Variants in SHISA9 observed in about 807,000 individuals in gnomAD.
SHISA9 encodes the protein protein shisa-9.
In SHISA9, 13 loss-of-function variants were observed where a neutral mutation model predicts 38.0. That is an observed-to-expected ratio of 0.34 (90% CI 0.22 to 0.54). SHISA9 has a LOEUF of 0.54. SHISA9 is among the 20% of genes least tolerant of loss of function. The probability of loss-of-function intolerance (pLI) is 0.91; values close to 1 mark genes in which losing one functional copy is unlikely to be tolerated. For missense variants in SHISA9, 538 were observed against 575.8 expected, an observed-to-expected ratio of 0.93 and a Z score of 0.67; for synonymous variants, 275 against 242.0, an observed-to-expected ratio of 1.14 and a Z score of -1.27.
At chr16:13,511,996 C>T in the SHISA9 span, among the ~76,000 whole-genome samples, 1 of 152,140 alleles carries the variant, frequency 6.6e-6, no homozygotes, top group South Asian at 2.1e-4. Context: ...TCATAAAACA[C>T]AGGGCACTGG....
the SHISA9 span, among the ~76,000 whole-genome samples, chr16:13,434,386 A>G: frequency 6.7e-5 from 10 of 148,372 alleles, no homozygotes; most frequent in African/African-American, 1.5e-4. Flanking sequence ...TTGGCGCTCA[A>G]TATTAACCAT....
chr16:12,953,531 C>T (rs2071788224), intron 2 of SHISA9, among the ~76,000 whole-genome samples: 1 of 152,168 alleles, frequency 6.6e-6, no homozygotes, highest in Non-Finnish European at 1.5e-5. Context: ...ATATTTGATT[C>T]ATTGATTTAT....
chr16:13,195,224 A>C (rs887565665), intron 2 of SHISA9, among the ~76,000 whole-genome samples: 1 of 152,234 alleles, frequency 6.6e-6, no homozygotes, highest in Non-Finnish European at 1.5e-5. Context: ...TAACAAATCT[A>C]TACAAGATGA....
the SHISA9 span, among the ~76,000 whole-genome samples, chr16:13,546,321 A>C: frequency 6.6e-6 from 1 of 152,214 alleles, no homozygotes; most frequent in Non-Finnish European, 1.5e-5. Context: ...CAATTTTTAA[A>C]AATGCAAATC....
intron 2 of SHISA9, among the ~76,000 whole-genome samples, chr16:13,065,810 C>G (rs1048992813): frequency 6.6e-6 from 1 of 152,228 alleles, no homozygotes; most frequent in Non-Finnish European, 1.5e-5. Flanking sequence ...GTCAGGATGA[C>G]TCTGCAGGTC....
At chr16:12,932,105 C>T (rs1156356340) in intron 2 of SHISA9, among the ~76,000 whole-genome samples, 17 of 152,274 alleles carry the variant, frequency 1.1e-4, no homozygotes, top group Non-Finnish European at 4.4e-5. Flanking sequence ...GCTCCTCCTT[C>T]GCCTTCTGCC....
chr16:13,099,601 G>A (rs1273616913), intron 2 of SHISA9, among the ~76,000 whole-genome samples: 1 of 152,134 alleles, frequency 6.6e-6, no homozygotes, highest in Admixed American at 6.5e-5. Flanking sequence ...CAACTGCAAA[G>A]GCCCTGAGGC....
At chr16:13,127,718 T>C (rs1011373326) in intron 2 of SHISA9, among the ~76,000 whole-genome samples, 2 of 152,152 alleles carry the variant, frequency 1.3e-5, no homozygotes, top group Non-Finnish European at 2.9e-5. Flanking sequence ...CCCAATTCTC[T>C]GTAAGCCTCA....
chr16:13,409,951 G>T, the SHISA9 span, among the ~76,000 whole-genome samples: 1 of 152,064 alleles, frequency 6.6e-6, no homozygotes, highest in South Asian at 2.1e-4. Flanking sequence ...GTGAGAATGG[G>T]ATGAATACAT....
At chr16:12,963,156 C>T (rs2071933021) in intron 2 of SHISA9, among the ~76,000 whole-genome samples, 1 of 152,210 alleles carries the variant, frequency 6.6e-6, no homozygotes, top group Non-Finnish European at 1.5e-5. Context: ...TGGGTGTAGG[C>T]ACTTTAAGTG....
chr16:13,525,617 C>A, the SHISA9 span, among the ~76,000 whole-genome samples: 1 of 152,178 alleles, frequency 6.6e-6, no homozygotes, highest in Non-Finnish European at 1.5e-5. Context: ...GAAATTAATA[C>A]TTCTTTAAAC....
In SHISA9 at chr16:13,080,837, A is replaced by G. The variant is rs1427216416; in HGVS notation, c.692-122557A>G. Among the ~76,000 whole-genome samples, 10 of 152,224 alleles carry G rather than the reference A, an allele frequency of 6.6e-5. 1 individual carries two copies. Among genetic ancestry groups the G allele is most frequent in the Admixed American group, 6.5e-4 (10 of 15,290 alleles). On this transcript the variant is annotated intron_variant, in intron 2 of 4. Coordinates refer to ENST00000558583, the MANE Select transcript of SHISA9 (RefSeq NM_001145204.3). ...TAAACAACAAATATTTATTTCTCACAGCTCTGGAGACTGGGAAGTCGAAGG... is the reference window on the plus strand; with the variant it reads ...TAAACAACAAATATTTATTTCTCACGGCTCTGGAGACTGGGAAGTCGAAGG...
At chr16:13,102,353 A>C (rs181345056) in intron 2 of SHISA9, among the ~76,000 whole-genome samples, 4 of 152,316 alleles carry the variant, frequency 2.6e-5, no homozygotes, top group African/African-American at 7.2e-5. Flanking sequence ...TAGGGCTGCT[A>C]TTCTGGTAGA....
the SHISA9 span, among the ~76,000 whole-genome samples, chr16:13,455,977 G>A: frequency 6.6e-6 from 1 of 152,196 alleles, no homozygotes. Flanking sequence ...TTAATGAGGA[G>A]ATAAAACGTG....
chr16:13,558,141 C>G, the SHISA9 span, among the ~76,000 whole-genome samples: 2 of 152,036 alleles, frequency 1.3e-5, no homozygotes, highest in Non-Finnish European at 1.5e-5. Context: ...CTTACCAAAT[C>G]CATGCTTGCT....
intron 4 of SHISA9, among the ~76,000 whole-genome samples, chr16:13,218,606 C>G (rs959005286): frequency 5.9e-5 from 9 of 152,206 alleles, no homozygotes; most frequent in African/African-American, 1.9e-4. Context: ...TTTAACATCT[C>G]TGGACCTTAG....
chr16:13,137,288 C>CT (rs1223334285), intron 2 of SHISA9, among the ~76,000 whole-genome samples: 9 of 152,004 alleles, frequency 5.9e-5, no homozygotes, highest in Non-Finnish European at 1.2e-4. Flanking sequence ...TGATTGGAGT[C>CT]TGAGTTCATG....
chr16:13,021,122 T>A (rs2072847844), intron 2 of SHISA9, among the ~76,000 whole-genome samples: 1 of 152,204 alleles, frequency 6.6e-6, no homozygotes, highest in Non-Finnish European at 1.5e-5. Flanking sequence ...GCTGTCTCCT[T>A]GAGTGCTAGA....
the SHISA9 span, among the ~76,000 whole-genome samples, chr16:13,544,802 G>A: frequency 6.6e-6 from 1 of 152,064 alleles, no homozygotes; most frequent in Non-Finnish European, 1.5e-5. Context: ...AATTCGCTGG[G>A]CGTGGTGGGG....
Sources: gnomAD v4.1 joint callset for allele counts (sites outside exome capture counted in the v4.1 genomes callset) on GRCh38, gnomAD v4.1.1 for gene constraint, MANE v1.5 for transcripts, NCBI Gene and HGNC (gene_info 2026-07-23, HGNC 2026-07-21) for gene names.